The following DNAH6 variants were observed in gnomAD, a reference collection of about 807,000 sequenced individuals.
The protein encoded by DNAH6 is dynein axonemal heavy chain 6.
In DNAH6, 340 loss-of-function variants were observed where a neutral mutation model predicts 491.4. That is an observed-to-expected ratio of 0.69 (90% confidence interval 0.63 to 0.76). The LOEUF (loss-of-function observed/expected upper bound fraction) is 0.76. Among genes scored for constraint, DNAH6 ranks in the 30% least tolerant of loss-of-function variants. The pLI is 0.00. For synonymous variants in DNAH6, 1,603 were observed against 1,686.1 expected, an observed-to-expected ratio of 0.95 and a Z score of 1.21; for missense variants, 4,443 against 4,972.2, an observed-to-expected ratio of 0.89 and a Z score of 3.20.
chr2:84,807,357 G>A (rs757677271), intron 71 of DNAH6, among the ~76,000 whole-genome samples: 14 of 152,168 alleles, frequency 9.2e-5, no homozygotes, highest in Non-Finnish European at 2.9e-5. Flanking sequence ...CAAGAAAAAG[G>A]CTGTTCCTTC....
chr2:84,658,905 CTG>C (rs1691223844), intron 36 of DNAH6, 119 bp from the exon 37 acceptor site: 2 of 590,374 alleles, frequency 3.4e-6, no homozygotes, highest in Non-Finnish European at 5.6e-6. Flanking sequence ...GAAATATACA[CTG>C]TGCCCATTTA....
chr2:84,653,728 G>C lies in DNAH6; in HGVS notation c.5488G>C (p.Glu1830Gln). Residue 1830 changes from glutamate to glutamine, a missense_variant, in exon 34 of 77, where the codon GAA becomes CAA. Glu to Gln is a conservative substitution (Grantham distance 29, BLOSUM62 2). Around this residue, in one of 3 missense-constraint regions of DNAH6, gnomAD observed 2,977 missense variants for 3,296.6 expected, o/e 0.90. Coordinates refer to ENST00000389394, the MANE Select transcript of DNAH6 (RefSeq NM_001370.2). ...CCGAGCAGCTGTGAATGATACTTCA[G>C]AAGACCATAAATGGATCATCAGTGA... is the stretch of plus-strand genomic sequence containing the variant. The part of the protein sequence containing the change: ...SVRAAVNDTS[E>Q]DHKWIISDGP... 1 of 1,551,352 alleles carries C rather than the reference G, an allele frequency of 6.4e-7. No individual in the cohort carries two copies. Among genetic ancestry groups the C allele is most frequent in the Non-Finnish European group, 8.7e-7 (1 of 1,146,732 alleles).
chr2:84,603,553 T>A (rs1485018844), intron 18 of DNAH6, among the ~76,000 whole-genome samples: 1 of 152,112 alleles, frequency 6.6e-6, no homozygotes, highest in Non-Finnish European at 1.5e-5. Flanking sequence ...GAAGGAACAT[T>A]CCCTCATGTT....
chr2:84,734,383 G>A (rs184051787), intron 62 of DNAH6, among the ~76,000 whole-genome samples: 6 of 151,770 alleles, frequency 4.0e-5, no homozygotes, highest in Admixed American at 2.6e-4. Context: ...CTCATGATCC[G>A]CCTGCCTCGG....
intron 29 of DNAH6, among the ~76,000 whole-genome samples, chr2:84,625,926 TTA>T (rs1239491472): frequency 1.3e-5 from 2 of 152,178 alleles, no homozygotes; most frequent in Non-Finnish European, 2.9e-5. Context: ...AGTTAATTGT[TTA>T]TACTCTTCTT....
At chr2:84,506,108 GT>G in the DNAH6 span, among the ~76,000 whole-genome samples, 1 of 152,184 alleles carries the variant, frequency 6.6e-6, no homozygotes, top group Non-Finnish European at 1.5e-5. Context: ...AGTATTTCTA[GT>G]TCTAGATCCC....
chr2:84,763,714 ATGTGTGTGTGTGTGTGTGTGTGTGTGTG>A (rs70953906), intron 64 of DNAH6, among the ~76,000 whole-genome samples: 6 of 126,898 alleles, frequency 4.7e-5, no homozygotes, highest in East Asian at 2.5e-4. Context: ...AACTGATAGG[ATGTGTGTGTGTGTGTGTGTGTGTGTGTG>A]TGTGTGTGTG....
At chr2:84,559,425 A>G (rs533561535) in intron 11 of DNAH6, among the ~76,000 whole-genome samples, 1 of 152,278 alleles carries the variant, frequency 6.6e-6, no homozygotes, top group East Asian at 1.9e-4. Context: ...CTGCAAAACA[A>G]AAAAGAACCT....
At chr2:84,745,647 C>G (rs1277869441) in intron 63 of DNAH6, among the ~76,000 whole-genome samples, 2 of 135,756 alleles carry the variant, frequency 1.5e-5, no homozygotes, top group Non-Finnish European at 3.1e-5. Flanking sequence ...GCCTGGGCAA[C>G]AGAGCGAGAC....
the DNAH6 span, among the ~76,000 whole-genome samples, chr2:84,496,687 T>G: frequency 6.6e-6 from 1 of 152,344 alleles, no homozygotes; most frequent in African/African-American, 2.4e-5. Context: ...ACTAGAAATA[T>G]AATTTTAAAT....
chr2:84,613,576 G>A (rs901951288), intron 22 of DNAH6, among the ~76,000 whole-genome samples: 1 of 152,120 alleles, frequency 6.6e-6, no homozygotes, highest in Non-Finnish European at 1.5e-5. Flanking sequence ...CTGTAGTTTA[G>A]TGATAAAGAA....
chr2:84,640,786 A>G (rs575836811), intron 32 of DNAH6, among the ~76,000 whole-genome samples: 2 of 152,296 alleles, frequency 1.3e-5, no homozygotes, highest in Admixed American at 6.5e-5. Flanking sequence ...GAGTCCTAAC[A>G]TGGTTGTCCT....
At chr2:84,493,097 A>G in the DNAH6 span, among the ~76,000 whole-genome samples, 1 of 151,988 alleles carries the variant, frequency 6.6e-6, no homozygotes, top group Non-Finnish European at 1.5e-5. Context: ...AAATATTTTT[A>G]TTTACTATTT....
chr2:84,505,439 A>G, the DNAH6 span, among the ~76,000 whole-genome samples: 4 of 152,190 alleles, frequency 2.6e-5, no homozygotes, highest in Non-Finnish European at 4.4e-5. Context: ...TCTTAGCAGG[A>G]AAGTTTTCAG....
chr2:84,774,213 T>G (rs532140614), intron 64 of DNAH6, among the ~76,000 whole-genome samples: 8 of 152,252 alleles, frequency 5.3e-5, no homozygotes, highest in African/African-American at 1.4e-4. Context: ...CATTTAAATC[T>G]TTAATCCATC....
intron 33 of DNAH6, among the ~76,000 whole-genome samples, chr2:84,646,416 C>A (rs1689903064): frequency 6.6e-6 from 1 of 152,138 alleles, no homozygotes; most frequent in Admixed American, 6.5e-5. Flanking sequence ...CACCTCTCAC[C>A]TTAAATCAGA....
intron 61 of DNAH6, among the ~76,000 whole-genome samples, chr2:84,728,119 TC>T (rs1698812180): frequency 6.6e-6 from 1 of 152,214 alleles, no homozygotes; most frequent in African/African-American, 2.4e-5. Flanking sequence ...CCTTTTCACT[TC>T]GTTTTCATTC....
chr2:84,489,194 A>G, the DNAH6 span, among the ~76,000 whole-genome samples: 1 of 152,070 alleles, frequency 6.6e-6, no homozygotes, highest in African/African-American at 2.4e-5. Context: ...AGAGAACATG[A>G]GAGTGTCTTT....
At position 84,616,383 on chromosome 2, in the gene DNAH6, A is replaced by G. The variant is rs112169236; in HGVS notation, c.3476-503A>G. On this transcript the variant is annotated intron_variant, in intron 22 of 76. Coordinates refer to ENST00000389394, the MANE Select transcript of DNAH6 (RefSeq NM_001370.2). ...ATTTGGGAGCTCCAGTGTTAGGTGCATACATATTTAGAACTGTGATATTTT... is the reference window on the plus strand; with the variant it reads ...ATTTGGGAGCTCCAGTGTTAGGTGCGTACATATTTAGAACTGTGATATTTT... Among the ~76,000 whole-genome samples, 961 of 152,162 alleles carry G rather than the reference A, an allele frequency of 6.3e-3. 9 individuals carry two copies. The highest frequency in any genetic ancestry group is 0.022 in the African/African-American group (901 of 41,546).
Sources: gnomAD v4.1 joint callset for allele counts (sites outside exome capture counted in the v4.1 genomes callset) on GRCh38, gnomAD v4.1.1 for gene constraint, gnomAD v4.1.1 regional missense constraint, MANE v1.5 for transcripts, NCBI Gene and HGNC (gene_info 2026-07-23, HGNC 2026-07-21) for gene names.